USP53: variants seen among roughly 807,000 people sequenced by gnomAD.
USP53 encodes the protein ubiquitin specific peptidase 53, also known as ubiquitin carboxyl-terminal hydrolase 53.
Under a neutral mutation model 94.9 loss-of-function variants are expected in USP53, and 71 were observed. That is an observed-to-expected ratio of 0.75 (90% CI 0.62 to 0.91). The LOEUF is 0.91. USP53 is among the 40% of genes least tolerant of loss of function. USP53 has a pLI of 0.00. For missense variants in USP53, 1,173 were observed against 1,281.0 expected, an observed-to-expected ratio of 0.92 and a Z score of 1.29; for synonymous variants, 375 against 422.7, an observed-to-expected ratio of 0.89 and a Z score of 1.39.
chr4:119,215,945 A>G (rs549466403), intron 2 of USP53, among the ~76,000 whole-genome samples: 4 of 152,354 alleles, frequency 2.6e-5, no homozygotes, highest in African/African-American at 9.6e-5. Context: ...CACATATTAC[A>G]AAAAAGAAGT....
rs746674479 is a variant in USP53 at position 119,256,555 on chromosome 4, A to G, written c.569+32A>G. Reference sequence around the variant, plus strand: ...ACCTATTAAAGCTTAATTATCAACGATATTAATAACATATTTAAGCACATT... The same window carrying G: ...ACCTATTAAAGCTTAATTATCAACGGTATTAATAACATATTTAAGCACATT... On this transcript the variant is annotated intron_variant, in intron 9 of 18. Transcript: ENST00000692078. 2.5e-6 allele frequency: 4 copies of G among 1,587,890 alleles called. No homozygotes were observed. The South Asian group carries it at 4.4e-5, about 18-fold the overall frequency.
At chr4:119,237,579 C>A (rs10024967) in intron 4 of USP53, among the ~76,000 whole-genome samples, 2 of 151,912 alleles carry the variant, frequency 1.3e-5, no homozygotes, top group Non-Finnish European at 1.5e-5. Context: ...CAGAATCAGC[C>A]TGTCCTTTGA....
intron 5 of USP53, among the ~76,000 whole-genome samples, chr4:119,243,792 CA>C (rs1023326040): frequency 1.3e-5 from 2 of 152,092 alleles, no homozygotes; most frequent in Non-Finnish European, 2.9e-5. Flanking sequence ...TTACCTAATG[CA>C]AAAACAGTAC....
At chr4:119,255,833 G>C (rs756155190) in intron 7 of USP53, among the ~76,000 whole-genome samples, 1 of 152,176 alleles carries the variant, frequency 6.6e-6, no homozygotes, top group Non-Finnish European at 1.5e-5. Context: ...TTCTGTGTCA[G>C]TCTCACTGGG....
At position 119,213,641 on chromosome 4, in the gene USP53, G is replaced by GATAT. The variant is rs141285286; in HGVS notation, c.-941-412_-941-409dup. ...CCGAAAGTTTCCTTATCTGGAAATA[G>GATAT]ATATATATATATATATATATGTGTG... On this transcript the variant is annotated intron_variant, in intron 1 of 18. Coordinates refer to ENST00000692078, the MANE Select transcript of USP53 (RefSeq NM_001371395.1). 2.9e-3 allele frequency among the ~76,000 whole-genome samples: 318 copies of GATAT among 108,080 alleles called. 9 individuals carry two copies. Among genetic ancestry groups the GATAT allele is most frequent in the South Asian group, 6.5e-3 (20 of 3,082 alleles). The allele number at this position is 108,080 out of a possible 152,430, so 70.9% of individuals were successfully genotyped here. A position where few individuals can be genotyped will look rare whatever the true frequency, so the allele number is the denominator to read the frequency against.
chr4:119,269,024 A>G (rs564368631), intron 14 of USP53, among the ~76,000 whole-genome samples: 1 of 152,352 alleles, frequency 6.6e-6, no homozygotes, highest in Admixed American at 6.5e-5. Flanking sequence ...AATAATGTGT[A>G]ATCATAAAAG....
At chr4:119,272,250 G>T in intron 16 of USP53, 1 of 414,038 alleles carries the variant, frequency 2.4e-6, no homozygotes, top group Non-Finnish European at 4.1e-6. Context: ...TTTCCATTTT[G>T]AATAGTTATT....
At chr4:119,243,425 G>C (rs1256663969) in intron 5 of USP53, among the ~76,000 whole-genome samples, 3 of 152,134 alleles carry the variant, frequency 2.0e-5, no homozygotes, top group Admixed American at 6.5e-5. Flanking sequence ...TTGAACCCAG[G>C]AGGTGGAGGT....
intron 10 of USP53, 110 bp downstream of exon 10, chr4:119,260,035 G>T (rs1750290315): frequency 1.4e-6 from 1 of 716,556 alleles, no homozygotes; most frequent in Non-Finnish European, 2.1e-6. Flanking sequence ...TTAGCTTTAA[G>T]AATTTTTAAA....
intron 3 of USP53, among the ~76,000 whole-genome samples, chr4:119,224,159 C>T (rs1744934852): frequency 1.3e-5 from 2 of 152,086 alleles, no homozygotes; most frequent in Admixed American, 1.3e-4. Flanking sequence ...GCCACCACAC[C>T]CGGCTGATTT....
At chr4:119,281,826 C>T (rs1753543144) in intron 17 of USP53, among the ~76,000 whole-genome samples, 2 of 152,056 alleles carry the variant, frequency 1.3e-5, no homozygotes, top group Non-Finnish European at 2.9e-5. Flanking sequence ...TATGTATAGC[C>T]AAATTTGCCA....
chr4:119,242,191 A>G lies in USP53; in HGVS notation c.144+2288A>G, dbSNP rs1747636633. On this transcript the variant is annotated intron_variant, in intron 5 of 18. Coordinates refer to ENST00000692078, the MANE Select transcript of USP53 (RefSeq NM_001371395.1). ...TGTTATTTGTATAAATACTGGGTAC[A>G]TTTCAGTTACTTTTTTTGTTGTTGT... Among the ~76,000 whole-genome samples, 2 of 152,210 alleles carry G rather than the reference A, an allele frequency of 1.3e-5. 1 individual carries two copies. The highest frequency in any genetic ancestry group is 4.1e-4 in the South Asian group (2 of 4,824).
intron 9 of USP53, among the ~76,000 whole-genome samples, chr4:119,259,295 A>ATG (rs1553969844): frequency 7.5e-6 from 1 of 133,554 alleles, no homozygotes. Context: ...AAAAAAAAAA[A>ATG]GGGGGGGGAG....
chr4:119,269,582 C>A (rs1751593651), intron 14 of USP53, 109 bp from the exon 15 acceptor site: 1 of 717,152 alleles, frequency 1.4e-6, no homozygotes, highest in African/African-American at 1.9e-5. Flanking sequence ...ATCTACATAT[C>A]TATGCTCTTT....
In USP53 at chr4:119,271,982, G is replaced by A; in HGVS notation, c.2122G>A (p.Gly708Arg). 3 of 1,613,032 alleles carry A rather than the reference G, an allele frequency of 1.9e-6. No individual in the cohort carries two copies. Among genetic ancestry groups the A allele is most frequent in the Non-Finnish European group, 2.5e-6 (3 of 1,179,682 alleles). The stretch of plus-strand genomic sequence containing the variant: ...TAATTTGGACTCACCTGTTATCGAT[G>A]GAAATGGTACAGTAATGGATATCAG... ...STNLDSPVID[G>R]NGTVMDISGV... The change falls in exon 16 of 19, where the codon GGA (glycine) becomes AGA (arginine). Residue 708 changes from glycine (G) to arginine (R), a missense_variant. Physicochemically the swap from Gly to Arg is moderately radical, Grantham distance 125. Transcript: ENST00000692078.
chr4:119,244,105 C>T (rs1331086949), intron 5 of USP53, among the ~76,000 whole-genome samples: 2 of 152,156 alleles, frequency 1.3e-5, no homozygotes, highest in Non-Finnish European at 2.9e-5. Flanking sequence ...CTCAGTGGTA[C>T]ATTGCTTCTA....
intron 5 of USP53, among the ~76,000 whole-genome samples, chr4:119,242,295 C>T (rs1297879223): frequency 6.6e-6 from 1 of 152,020 alleles, no homozygotes; most frequent in Admixed American, 6.6e-5. Context: ...GAAGTTTGTT[C>T]TGGGACAGAG....
chr4:119,258,500 G>A (rs1252465852), intron 9 of USP53, among the ~76,000 whole-genome samples: 1 of 152,146 alleles, frequency 6.6e-6, no homozygotes, highest in Non-Finnish European at 1.5e-5. Flanking sequence ...TTAAATAGTT[G>A]TTTAAGTATT....
Position 119,248,733 on chromosome 4 carries a change from C to G in USP53, c.238-15C>G. 6.2e-7 allele frequency: 1 copy of G among 1,605,654 alleles called. No individual in the cohort carries two copies. The highest frequency in any genetic ancestry group is 8.5e-7 in the Non-Finnish European group (1 of 1,176,292). On this transcript the variant is annotated splice_polypyrimidine_tract_variant and intron_variant, in intron 6 of 18. Coordinates refer to ENST00000692078, the MANE Select transcript of USP53 (RefSeq NM_001371395.1). ...AGCTGGCATTAAACTTACTGATTTT[C>G]TTGTCGATTCCCAGACGATATTTGC...
Sources: gnomAD v4.1 joint callset for allele counts (sites outside exome capture counted in the v4.1 genomes callset) on GRCh38, gnomAD v4.1.1 for gene constraint, MANE v1.5 for transcripts, NCBI Gene and HGNC (gene_info 2026-07-23, HGNC 2026-07-21) for gene names.